The following LEPROT variants were observed in gnomAD, a reference collection of about 807,000 sequenced individuals.
LEPROT encodes leptin receptor gene-related protein.
In LEPROT, 3 loss-of-function variants were observed where a neutral mutation model predicts 15.4. The observed-to-expected ratio is 0.19, with a 90% CI of 0.09 to 0.50. LEPROT has a LOEUF of 0.50. Ranked by LOEUF, LEPROT falls within the 20% of genes least tolerant of loss-of-function variation. LEPROT has a pLI of 0.97. For synonymous variants in LEPROT, 59 were observed against 57.5 expected (o/e 1.03, Z -0.12); for missense variants, 137 against 162.2 (o/e 0.84, Z 0.84).
chr1:65,430,065 ATTG>A lies in LEPROT; in HGVS notation c.279+20_279+22del. The stretch of plus-strand genomic sequence containing the variant: ...GTGGCTGTGGTAAGTTTTATTTTCT[ATTG>A]TTTTGCCCAACCGTTGCTGAGTTTA... On this transcript the variant is annotated intron_variant, in intron 3 of 3. Coordinates refer to ENST00000371065, the MANE Select transcript of LEPROT (RefSeq NM_017526.5). The A allele has an allele frequency of 1.3e-6, 2 of 1,541,444 alleles. No individual in the cohort carries two copies. The highest frequency in any genetic ancestry group is 1.8e-6 in the Non-Finnish European group (2 of 1,130,012).
Position 65,421,558 on chromosome 1 carries a change from C to A in LEPROT, c.16+818C>A. On this transcript the variant is annotated intron_variant, in intron 1 of 3. Coordinates refer to ENST00000371065, the MANE Select transcript of LEPROT (RefSeq NM_017526.5). ...CCTTGAAATTTGCACCCAAAGATAT[C>A]CCCAGTTAACATCTGCTATAAACAT... 2.2e-6 allele frequency: 3 copies of A among 1,352,468 alleles called. No individual in the cohort carries two copies. The South Asian group carries it at 3.8e-5, about 17-fold the overall frequency. The allele number at this position is 1,352,468 out of a possible 1,614,324, so 83.8% of individuals were successfully genotyped here.
rs80096549 is a variant in LEPROT, at chr1:65,435,385, T to G, written c.*3466T>G. The G allele has an allele frequency of 1.1e-6, 1 of 874,680 alleles. No individual in the cohort carries two copies. Among genetic ancestry groups the G allele is most frequent in the South Asian group, 5.3e-5 (1 of 18,716 alleles). 54.2% of individuals were successfully genotyped at this position (874,680 alleles called of 1,614,324 possible). On this transcript the variant is annotated 3_prime_UTR_variant, in exon 4 of 4. Transcript: ENST00000371065. ...TCTTTTCTTTTTTTTTTTTTTTTTT[T>G]GAGGCAGAGTCTCGCTCTGTTGCCC... is the stretch of plus-strand genomic sequence containing the variant.
chr1:65,429,506 C>G (rs538641620), intron 2 of LEPROT, among the ~76,000 whole-genome samples: 2 of 152,064 alleles, frequency 1.3e-5, no homozygotes, highest in African/African-American at 4.8e-5. Context: ...AGATCTTTAC[C>G]GAACTAGCTT....
chr1:65,427,560 T>C (rs1208156677), intron 2 of LEPROT, among the ~76,000 whole-genome samples: 1 of 152,124 alleles, frequency 6.6e-6, no homozygotes, highest in Non-Finnish European at 1.5e-5. Flanking sequence ...CTTTGTCTCT[T>C]AAATAAAAAA....
rs1646518397 is a variant in LEPROT, at chr1:65,433,624, T to G, written c.*1705T>G. 1 of 985,456 alleles carries G rather than the reference T, an allele frequency of 1.0e-6. No homozygotes were observed. The highest frequency in any genetic ancestry group is 1.2e-6 in the Non-Finnish European group (1 of 829,924). 61.0% of individuals were successfully genotyped at this position (985,456 alleles called of 1,614,324 possible). On this transcript the variant is annotated 3_prime_UTR_variant, in exon 4 of 4. Transcript: ENST00000371065. ...CTAAAGGGTTAATGTGCAACGTTAT[T>G]TTTTGGCCTTGTTCATGATTTTATG...
chr1:65,426,728 A>G (rs986104077), intron 2 of LEPROT, among the ~76,000 whole-genome samples: 3 of 152,162 alleles, frequency 2.0e-5, no homozygotes, highest in Non-Finnish European at 2.9e-5. Context: ...GCCAGGCACC[A>G]TGGCTCACGC....
chr1:65,427,802 G>A (rs1211002560), intron 2 of LEPROT: 2 of 416,772 alleles, frequency 4.8e-6, no homozygotes, highest in Non-Finnish European at 9.6e-6. Context: ...ACACCCAGCT[G>A]ATTTTTTTTA....
intron 2 of LEPROT, among the ~76,000 whole-genome samples, chr1:65,425,774 A>G (rs902753101): frequency 1.3e-5 from 2 of 152,204 alleles, no homozygotes; most frequent in Non-Finnish European, 2.9e-5. Flanking sequence ...TTTCAGTGGG[A>G]CAGTCAGGGA....
In LEPROT at chr1:65,432,573, A is replaced by T; in HGVS notation, c.*654A>T. Reference sequence around the variant, plus strand: ...GTTACCTGCTCATTTGTTTAAAAAAAAAAAAAAAGTCTCACCTGCTTTCAT... The same window carrying T: ...GTTACCTGCTCATTTGTTTAAAAAATAAAAAAAAGTCTCACCTGCTTTCAT... On this transcript the variant is annotated 3_prime_UTR_variant, in exon 4 of 4. Coordinates refer to ENST00000371065, the MANE Select transcript of LEPROT (RefSeq NM_017526.5). The T allele has an allele frequency of 1.0e-6, 1 of 980,570 alleles. No homozygotes were observed. The highest frequency in any genetic ancestry group is 1.2e-6 in the Non-Finnish European group (1 of 825,554). 60.7% of individuals were successfully genotyped at this position (980,570 alleles called of 1,614,324 possible).
chr1:65,424,354 A>G (rs903768120), intron 1 of LEPROT, among the ~76,000 whole-genome samples: 1 of 152,238 alleles, frequency 6.6e-6, no homozygotes, highest in Non-Finnish European at 1.5e-5. Flanking sequence ...AGTTCTGGAT[A>G]TAATTTAAAG....
At position 65,434,263 on chromosome 1, in the gene LEPROT, T is replaced by C; in HGVS notation, c.*2344T>C. ...AATATTGCTATATCTGAATATATAA[T>C]ACAAAAGTTTGATCATGGTGACACA... On this transcript the variant is annotated 3_prime_UTR_variant, in exon 4 of 4. Coordinates refer to ENST00000371065, the MANE Select transcript of LEPROT (RefSeq NM_017526.5). 1 of 982,240 alleles carries C rather than the reference T, an allele frequency of 1.0e-6. No individual in the cohort carries two copies. 60.8% of individuals were successfully genotyped at this position (982,240 alleles called of 1,614,324 possible). A position where few individuals can be genotyped will look rare whatever the true frequency, so the allele number is the denominator to read the frequency against.
intron 1 of LEPROT, among the ~76,000 whole-genome samples, 178 bp downstream of exon 1, chr1:65,420,918 C>T (rs1181708029): frequency 6.6e-6 from 1 of 152,212 alleles, no homozygotes; most frequent in Non-Finnish European, 1.5e-5. Flanking sequence ...GGTGGAGCGG[C>T]GTTTCGGGGG....
intron 1 of LEPROT, among the ~76,000 whole-genome samples, chr1:65,423,374 GA>G (rs565824302): frequency 1.3e-5 from 2 of 151,526 alleles, no homozygotes; most frequent in African/African-American, 4.9e-5. Context: ...GAAAAAAGAG[GA>G]AAAAAAAGAC....
chr1:65,435,015 A>C lies in LEPROT; in HGVS notation c.*3096A>C. On this transcript the variant is annotated 3_prime_UTR_variant, in exon 4 of 4. Transcript: ENST00000371065. Reference sequence around the variant, plus strand: ...ATGACTGCTGCACCTGCGTTTTTAGAGAATGCCTCATAACCCACTGATTCT... The same window carrying C: ...ATGACTGCTGCACCTGCGTTTTTAGCGAATGCCTCATAACCCACTGATTCT... 1 of 985,444 alleles carries C rather than the reference A, an allele frequency of 1.0e-6. No individual in the cohort carries two copies. Among genetic ancestry groups the C allele is most frequent in the South Asian group, 4.7e-5 (1 of 21,288 alleles). 61.0% of individuals were successfully genotyped at this position (985,444 alleles called of 1,614,324 possible).
chr1:65,429,726 G>A (rs752552824), intron 2 of LEPROT, 136 bp from the exon 3 acceptor site: 1 of 712,368 alleles, frequency 1.4e-6, no homozygotes, highest in South Asian at 3.3e-5. Flanking sequence ...ATCATCTTAT[G>A]TTCTAATATT....
At chr1:65,424,826 A>G (rs1646327043) in intron 1 of LEPROT, among the ~76,000 whole-genome samples, 2 of 152,136 alleles carry the variant, frequency 1.3e-5, no homozygotes, top group African/African-American at 2.4e-5. Context: ...CACTCATCCC[A>G]TCGTGGAGAC....
In LEPROT at chr1:65,432,751, C is replaced by A; in HGVS notation, c.*832C>A. 2 of 549,610 alleles carry A rather than the reference C, an allele frequency of 3.6e-6. No individual in the cohort carries two copies. The highest frequency in any genetic ancestry group is 4.6e-6 in the Non-Finnish European group (2 of 432,232). The allele number at this position is 549,610 out of a possible 1,614,324, so 34.0% of individuals were successfully genotyped here. Reference sequence around the variant, plus strand: ...TTTTTTTTAAAGATCACTTGCACAGCATGCTAAATATAGGAATAATTGAAT... The same window carrying A: ...TTTTTTTTAAAGATCACTTGCACAGAATGCTAAATATAGGAATAATTGAAT... On this transcript the variant is annotated 3_prime_UTR_variant, in exon 4 of 4. Coordinates refer to ENST00000371065, the MANE Select transcript of LEPROT (RefSeq NM_017526.5).
chr1:65,429,907 C>G lies in LEPROT; in HGVS notation c.138C>G (p.Pro46=). The change falls in exon 3 of 4, where the codon CCC becomes CCG. Residue 46 remains proline (P), a synonymous_variant. Transcript: ENST00000371065. ...LFVLIFHAIS[P]IPHFIAKRVT... The stretch of plus-strand genomic sequence containing the variant: ...TCCTGATTTTCCACGCCATCTCCCC[C>G]ATCCCCCATTTCATTGCCAAAAGAG... The G allele has an allele frequency of 6.5e-7, 1 of 1,540,060 alleles. No individual in the cohort carries two copies. Among genetic ancestry groups the G allele is most frequent in the Non-Finnish European group, 8.9e-7 (1 of 1,128,546 alleles).
chr1:65,431,678 A>T (rs1646486565), intron 3 of LEPROT, 125 bp from the exon 4 acceptor site: 7 of 942,524 alleles, frequency 7.4e-6, no homozygotes, highest in Non-Finnish European at 1.6e-6. Context: ...CTGTTACATT[A>T]TTAAGCCTTT....
Sources: allele counts gnomAD v4.1 joint callset (sites outside exome capture counted in the v4.1 genomes callset), GRCh38; gene constraint gnomAD v4.1.1; transcripts MANE v1.5; gene names NCBI Gene and HGNC (gene_info 2026-07-23, HGNC 2026-07-21).